SRGAP3: variants seen among roughly 807,000 people sequenced by gnomAD.
The protein encoded by SRGAP3 is SLIT-ROBO Rho GTPase-activating protein 3.
A neutral mutation model predicts 121.1 loss-of-function variants in SRGAP3; 39 were observed. The observed-to-expected ratio is 0.32, with a 90% CI of 0.25 to 0.42. SRGAP3 has a LOEUF of 0.42. Among genes scored for constraint, SRGAP3 ranks in the 10% least tolerant of loss-of-function variants. The probability of loss-of-function intolerance (pLI) is 1.00; values close to 1 mark genes in which losing one functional copy is unlikely to be tolerated. For synonymous variants in SRGAP3, 601 were observed against 570.0 expected (o/e 1.05, Z -0.77); for missense variants, 1,213 against 1,470.6 (o/e 0.82, Z 2.86).
At chr3:9,281,307 GC>G (rs1256548020) in intron 3 of SRGAP3, among the ~76,000 whole-genome samples, 1 of 152,178 alleles carries the variant, frequency 6.6e-6, no homozygotes, top group Non-Finnish European at 1.5e-5. Context: ...TGAGGACTTG[GC>G]CCGTGGTAGG....
intron 3 of SRGAP3, among the ~76,000 whole-genome samples, chr3:9,097,557 C>T (rs1948036542): frequency 6.6e-6 from 1 of 152,216 alleles, no homozygotes; most frequent in Non-Finnish European, 1.5e-5. Context: ...ACTTTCCTCC[C>T]ACTGGCCTCT....
chr3:9,361,986 C>G (rs772276552), intron 1 of SRGAP3, among the ~76,000 whole-genome samples: 17 of 151,920 alleles, frequency 1.1e-4, no homozygotes, highest in South Asian at 2.1e-4. Context: ...GCACAAATTG[C>G]TCCTTTCATA....
At chr3:9,307,908 A>G (rs939469018) in intron 3 of SRGAP3, among the ~76,000 whole-genome samples, 1 of 152,248 alleles carries the variant, frequency 6.6e-6, no homozygotes, top group African/African-American at 2.4e-5. Flanking sequence ...TAATCCCAGC[A>G]CTTTGGGAGG....
At chr3:9,167,242 C>T (rs1950820261) in intron 1 of SRGAP3, among the ~76,000 whole-genome samples, 1 of 152,152 alleles carries the variant, frequency 6.6e-6, no homozygotes, top group South Asian at 2.1e-4. Flanking sequence ...CTCACTATAG[C>T]CTTGCCTTGA....
chr3:9,092,804 T>C (rs1040353601), intron 3 of SRGAP3, among the ~76,000 whole-genome samples: 1 of 152,180 alleles, frequency 6.6e-6, no homozygotes, highest in Non-Finnish European at 1.5e-5. Flanking sequence ...TCTCCTGTCA[T>C]CTGTTACTCA....
At chr3:9,103,246 T>C (rs1381544123) in intron 3 of SRGAP3, among the ~76,000 whole-genome samples, 1 of 152,198 alleles carries the variant, frequency 6.6e-6, no homozygotes, top group East Asian at 1.9e-4. Flanking sequence ...GTCCCCTTCT[T>C]TGTGCTTCTA....
intron 3 of SRGAP3, among the ~76,000 whole-genome samples, chr3:9,094,320 T>G (rs1947880799): frequency 6.6e-6 from 1 of 152,160 alleles, no homozygotes; most frequent in African/African-American, 2.4e-5. Context: ...TCTTCACTAT[T>G]GTATAAGATT....
rs759323610 is a variant in SRGAP3 at position 8,985,927 on chromosome 3, G to A, written c.2892C>T (p.Ile964=). The A allele has an allele frequency of 1.9e-6, 3 of 1,599,656 alleles. No homozygotes were observed. The highest frequency in any genetic ancestry group is 1.7e-6 in the Non-Finnish European group (2 of 1,179,930). The change falls in exon 22 of 22, where the codon ATC becomes ATT. Residue 964 remains isoleucine (I), a synonymous_variant. Transcript: ENST00000383836. The surrounding 1 kb of genome is among the most constrained non-coding windows in gnomAD (Gnocchi z 5.1). ...GCAGAGCCGTGCTCATGGTCTTCTC[G>A]ATGTCCTGGGGACAGAGGGAGCTGG... is the stretch of plus-strand genomic sequence containing the variant. ...SLEAEALAED[I]EKTMSTALHE...
chr3:9,055,168 TG>T (rs1431602006), intron 8 of SRGAP3, among the ~76,000 whole-genome samples: 1 of 152,236 alleles, frequency 6.6e-6, no homozygotes, highest in Non-Finnish European at 1.5e-5. Context: ...AACCTCCCCC[TG>T]GGGACTGCAC....
intron 1 of SRGAP3, among the ~76,000 whole-genome samples, chr3:9,359,029 G>A (rs1423178720): frequency 6.6e-6 from 1 of 152,138 alleles, no homozygotes; most frequent in East Asian, 1.9e-4. Context: ...ACCATCTTGA[G>A]GTTACAGAAA....
chr3:9,336,682 G>A (rs1339482966), intron 1 of SRGAP3, among the ~76,000 whole-genome samples: 3 of 152,186 alleles, frequency 2.0e-5, no homozygotes, highest in Non-Finnish European at 4.4e-5. Flanking sequence ...TATTTAGAGA[G>A]TGAGGAGACC....
chr3:9,028,657 C>T (rs1944327579), intron 12 of SRGAP3, among the ~76,000 whole-genome samples: 1 of 152,208 alleles, frequency 6.6e-6, no homozygotes, highest in Non-Finnish European at 1.5e-5. Flanking sequence ...ATCATGTCTA[C>T]AAGGTACCCT....
chr3:9,326,755 G>C (rs1163661045), intron 2 of SRGAP3, among the ~76,000 whole-genome samples: 1 of 151,798 alleles, frequency 6.6e-6, no homozygotes, highest in East Asian at 1.9e-4. Context: ...ATAATCTAGA[G>C]CTTGATTTTG....
intron 3 of SRGAP3, among the ~76,000 whole-genome samples, chr3:9,311,934 C>G (rs1419539780): frequency 1.3e-5 from 2 of 152,188 alleles, no homozygotes; most frequent in Admixed American, 1.3e-4. Flanking sequence ...TCCACTATTT[C>G]TAAAGTAATT....
intron 3 of SRGAP3, among the ~76,000 whole-genome samples, chr3:9,296,739 G>T (rs1954960031): frequency 6.6e-6 from 1 of 152,188 alleles, no homozygotes; most frequent in African/African-American, 2.4e-5. Flanking sequence ...CTACCAAATA[G>T]ATTTATTGTG....
intron 14 of SRGAP3, among the ~76,000 whole-genome samples, chr3:9,021,247 G>A (rs921260549): frequency 5.3e-5 from 8 of 152,200 alleles, no homozygotes; most frequent in African/African-American, 1.2e-4. Context: ...TATGCACAGC[G>A]GGAGAGAGCC....
rs2124929677 is a variant in SRGAP3, at chr3:9,109,797, G to T, written c.261-4955C>A. ...ACTGAGAACTAAAAGCCGGACTGGA[G>T]TTTCACAGGGAGGAGCCTTCAAAGG... On this transcript the variant is annotated intron_variant, in intron 2 of 21. Coordinates refer to ENST00000383836, the MANE Select transcript of SRGAP3 (RefSeq NM_014850.4). This position sits in a 1 kb window ranked among gnomAD's most constrained non-coding sequence, Gnocchi z 4.4. Among the ~76,000 whole-genome samples, 1 of 152,300 alleles carries T rather than the reference G, an allele frequency of 6.6e-6. No individual in the cohort carries two copies. The highest frequency in any genetic ancestry group is 2.4e-5 in the African/African-American group (1 of 41,566).
At chr3:9,180,349 C>G (rs528615140) in intron 1 of SRGAP3, among the ~76,000 whole-genome samples, 1 of 152,338 alleles carries the variant, frequency 6.6e-6, no homozygotes, top group East Asian at 1.9e-4. Flanking sequence ...AGAGTTACAG[C>G]AGGGTGAGCG....
chr3:9,205,056 A>G (rs77553672), intron 1 of SRGAP3, among the ~76,000 whole-genome samples: 3,591 of 152,286 alleles, frequency 0.024, 119 homozygotes, highest in African/African-American at 0.078. Context: ...GGGAGAGACA[A>G]TCTCCCTTCG....
Sources: gnomAD v4.1 joint callset for allele counts (sites outside exome capture counted in the v4.1 genomes callset) on GRCh38, gnomAD v4.1.1 for gene constraint, Gnocchi (gnomAD v3.1) non-coding constraint, MANE v1.5 for transcripts, NCBI Gene and HGNC (gene_info 2026-07-23, HGNC 2026-07-21) for gene names.